Variants in MAP3K1 observed in about 807,000 individuals in gnomAD.
MAP3K1 encodes the protein mitogen-activated protein kinase kinase kinase 1, also known as MAP/ERK kinase kinase 1.
In MAP3K1, 36 loss-of-function variants were observed where a neutral mutation model predicts 144.2. The ratio of observed to expected loss-of-function variants is 0.25; its 90% CI spans 0.19 to 0.33. MAP3K1 has a LOEUF of 0.33. MAP3K1 is among the 10% of genes least tolerant of loss of function. The pLI, the probability that MAP3K1 is intolerant of heterozygous loss-of-function variation, is 1.00. For synonymous variants in MAP3K1, 718 were observed against 688.7 expected (o/e 1.04, Z -0.67); for missense variants, 1,650 against 1,881.9 (o/e 0.88, Z 2.28).
intron 1 of MAP3K1, among the ~76,000 whole-genome samples, chr5:56,849,066 A>G (rs749031951): frequency 3.3e-5 from 5 of 152,140 alleles, no homozygotes; most frequent in Admixed American, 6.5e-5. Flanking sequence ...ACTGATTTCA[A>G]CCGGGTGCAG....
chr5:56,832,482 T>G (rs1305317557), intron 1 of MAP3K1, among the ~76,000 whole-genome samples: 1 of 152,212 alleles, frequency 6.6e-6, no homozygotes, highest in East Asian at 1.9e-4. Flanking sequence ...CATTTAAGTC[T>G]TACATCATCC....
chr5:56,876,496 G>A (rs1430761629), intron 10 of MAP3K1, among the ~76,000 whole-genome samples: 2 of 152,090 alleles, frequency 1.3e-5, no homozygotes, highest in African/African-American at 2.4e-5. Flanking sequence ...TGACAGTTAC[G>A]AACATGGGTT....
intron 6 of MAP3K1, among the ~76,000 whole-genome samples, chr5:56,870,926 T>G (rs1747831404): frequency 6.6e-6 from 1 of 152,172 alleles, no homozygotes; most frequent in African/African-American, 2.4e-5. Context: ...TTCCAGAGAT[T>G]TTAGTTTTTA....
chr5:56,815,566 G>A lies in MAP3K1; in HGVS notation c.-8G>A. 1.5e-6 allele frequency: 2 copies of A among 1,301,844 alleles called. No homozygotes were observed. The highest frequency in any genetic ancestry group is 1.9e-6 in the Non-Finnish European group (2 of 1,027,832). The allele number at this position is 1,301,844 out of a possible 1,614,324, so 80.6% of individuals were successfully genotyped here. On this transcript the variant is annotated 5_prime_UTR_variant, in exon 1 of 20. Transcript: ENST00000399503. The stretch of plus-strand genomic sequence containing the variant: ...CAGGGGCCGAGCGAATGTAGCCCGC[G>A]AGAGAAAATGGCGGCGGCGGCGGGG...
In MAP3K1 at chr5:56,879,058, C is replaced by A. The variant is rs780647106; in HGVS notation, c.2044C>A (p.Pro682Thr). The change falls in exon 11 of 20, where the codon CCA becomes ACA. Residue 682 changes from proline (P) to threonine (T), a missense_variant. Pro to Thr is a conservative substitution (Grantham distance 38). Transcript: ENST00000399503. ...AATCAAACTTCAGAGACTTCTCCAG[C>A]CAGTTGTAGACACCATCCTAGTCAA... ...ERIKLQRLLQPVVDTILVKCA... is the reference protein window; with the variant it reads ...ERIKLQRLLQTVVDTILVKCA... The A allele has an allele frequency of 6.2e-7, 1 of 1,613,816 alleles. No homozygotes were observed. The highest frequency in any genetic ancestry group is 8.5e-7 in the Non-Finnish European group (1 of 1,179,772).
At chr5:56,848,728 G>A (rs1378056094) in intron 1 of MAP3K1, among the ~76,000 whole-genome samples, 1 of 152,198 alleles carries the variant, frequency 6.6e-6, no homozygotes, top group Non-Finnish European at 1.5e-5. Flanking sequence ...ATGGAGTGGT[G>A]TTTTGATGGA....
chr5:56,825,514 G>C (rs1746286217), intron 1 of MAP3K1, among the ~76,000 whole-genome samples: 1 of 152,190 alleles, frequency 6.6e-6, no homozygotes, highest in Admixed American at 6.5e-5. Context: ...TCCTCCAGGA[G>C]GGACCCCTCT....
Position 56,837,934 on chromosome 5 carries a change from G to A in MAP3K1, c.483-18666G>A, listed in dbSNP as rs189072939. On this transcript the variant is annotated intron_variant, in intron 1 of 19. Transcript: ENST00000399503. Reference sequence around the variant, plus strand: ...AGCACCTGGGATGGTTTCTCCAAGGGGACCCTAGAGCTTCAGTTAATGAGG... The same window carrying A: ...AGCACCTGGGATGGTTTCTCCAAGGAGACCCTAGAGCTTCAGTTAATGAGG... Among the ~76,000 whole-genome samples, 159 of 152,224 alleles carry A rather than the reference G, an allele frequency of 1.0e-3. 2 individuals carry two copies. The highest frequency in any genetic ancestry group is 9.4e-3 in the Admixed American group (144 of 15,290).
chr5:56,839,940 A>AT (rs1240789852), intron 1 of MAP3K1, among the ~76,000 whole-genome samples: 1 of 152,038 alleles, frequency 6.6e-6, no homozygotes, highest in Non-Finnish European at 1.5e-5. Context: ...TACAGCTCAC[A>AT]TTTTTTCAGT....
Position 56,856,634 on chromosome 5 carries a change from T to C in MAP3K1, c.517T>C (p.Leu173=). The C allele has an allele frequency of 1.2e-6, 2 of 1,613,902 alleles. No individual in the cohort carries two copies. The highest frequency in any genetic ancestry group is 1.7e-6 in the Non-Finnish European group (2 of 1,179,846). The stretch of plus-strand genomic sequence containing the variant: ...GGAGAATAAAGAAACTCTCAAAGGG[T>C]TGCACAAGATGGATGATCGTCCAGA... ...EMENKETLKG[L]HKMDDRPEER... Residue 173 remains leucine, a synonymous_variant, in exon 2 of 20, where the codon TTG becomes CTG. Coordinates refer to ENST00000399503, the MANE Select transcript of MAP3K1 (RefSeq NM_005921.2).
At chr5:56,879,395 G>A (rs77197271) in intron 11 of MAP3K1, among the ~76,000 whole-genome samples, 15 of 152,266 alleles carry the variant, frequency 9.9e-5, no homozygotes, top group African/African-American at 3.6e-4. Context: ...AAGAACAGTA[G>A]TTGACATTTA....
intron 1 of MAP3K1, among the ~76,000 whole-genome samples, chr5:56,831,503 C>T (rs1368959054): frequency 6.6e-6 from 1 of 152,120 alleles, no homozygotes; most frequent in Non-Finnish European, 1.5e-5. Context: ...TCTATTTGTT[C>T]ATTTTGTAAT....
Position 56,831,229 on chromosome 5 carries a change from C to G in MAP3K1, c.482+15174C>G, listed in dbSNP as rs535364233. On this transcript the variant is annotated intron_variant, in intron 1 of 19. Transcript: ENST00000399503. ...GGATCATGTGTGTGAATTTGAGGTTCAGAGACTGCAGTCACTGCAGAGACC... is the reference window on the plus strand; with the variant it reads ...GGATCATGTGTGTGAATTTGAGGTTGAGAGACTGCAGTCACTGCAGAGACC... 1.1e-3 allele frequency among the ~76,000 whole-genome samples: 153 copies of G among 143,100 alleles called. 7 individuals carry two copies. The South Asian group carries it at 0.032, about 30-fold the overall frequency. The allele number at this position is 143,100 out of a possible 152,430, so 93.9% of individuals were successfully genotyped here. A position where few individuals can be genotyped will look rare whatever the true frequency, so the allele number is the denominator to read the frequency against.
rs1297901090 is a variant in MAP3K1 at position 56,884,669 on chromosome 5, T to C, written c.3825T>C (p.Thr1275=). 7 of 1,613,606 alleles carry C rather than the reference T, an allele frequency of 4.3e-6. No individual in the cohort carries two copies. The highest frequency in any genetic ancestry group is 3.3e-5 in the Admixed American group (2 of 59,984). Residue 1275 remains threonine, a synonymous_variant, in exon 16 of 20, where the codon ACT becomes ACC. Coordinates refer to ENST00000399503, the MANE Select transcript of MAP3K1 (RefSeq NM_005921.2). ...AACGTGTTTATTTGAAACAGGTGAC[T>C]TATGTCAGAAACACATCTTCTGAGC... is the stretch of plus-strand genomic sequence containing the variant. ...TGTLMAVKQV[T]YVRNTSSEQE...
At position 56,882,284 on chromosome 5, in the gene MAP3K1, A is replaced by G. The variant is rs3822625; in HGVS notation, c.3084A>G (p.Gln1028=). The G allele has an allele frequency of 0.073, 118,139 of 1,614,018 alleles. 4,573 individuals are homozygous for G. The highest frequency in any genetic ancestry group is 0.14 in the East Asian group (6,121 of 44,866). ...SPQTQRKFSL[Q]FHRNCPENKD... is the part of the protein sequence containing the mutation. ...AAACACAGCGCAAGTTTTCTCTACA[A>G]TTCCACAGAAACTGTCCTGAAAACA... The change falls in exon 14 of 20, where the codon CAA becomes CAG. Residue 1028 remains glutamine (Q), a synonymous_variant. Transcript: ENST00000399503.
At chr5:56,871,756 A>G (rs759452536) in intron 6 of MAP3K1, among the ~76,000 whole-genome samples, 154 bp from the exon 7 acceptor site, 1 of 152,204 alleles carries the variant, frequency 6.6e-6, no homozygotes, top group Non-Finnish European at 1.5e-5. Flanking sequence ...ATTACTGTAT[A>G]TTAATAGTGT....
intron 1 of MAP3K1, among the ~76,000 whole-genome samples, chr5:56,822,341 ATAGCAGTAGTTGGCATT>A: frequency 6.6e-6 from 1 of 152,330 alleles, no homozygotes; most frequent in Non-Finnish European, 1.5e-5. Context: ...TTGATGTTTA[ATAGCAGTAGTTGGCATT>A]TAGCAAGCAG....
Position 56,875,133 on chromosome 5 carries a change from G to A in MAP3K1, c.1788G>A (p.Leu596=), listed in dbSNP as rs773936365. ...CCCATGATGTCAGTGGGGCCCTGCT[G>A]TTGGCAAATGGGGAGAGCACTGGAA... ...RLSHDVSGAL[L]LANGESTGNS... The change falls in exon 10 of 20, where the codon CTG becomes CTA. Residue 596 remains leucine, a synonymous_variant. Transcript: ENST00000399503. The A allele has an allele frequency of 6.2e-7, 1 of 1,614,218 alleles. No homozygotes were observed. Among genetic ancestry groups the A allele is most frequent in the East Asian group, 2.2e-5 (1 of 44,876 alleles).
chr5:56,857,026 G>C (rs929982497), intron 2 of MAP3K1, among the ~76,000 whole-genome samples: 1 of 152,018 alleles, frequency 6.6e-6, no homozygotes, highest in Non-Finnish European at 1.5e-5. Context: ...CCTTTCATTG[G>C]AGTTTTATAC....
Sources: gnomAD v4.1 joint callset for allele counts (sites outside exome capture counted in the v4.1 genomes callset) on GRCh38, gnomAD v4.1.1 for gene constraint, MANE v1.5 for transcripts, NCBI Gene and HGNC (gene_info 2026-07-23, HGNC 2026-07-21) for gene names.